The following GP6 variants were observed in gnomAD, a reference collection of about 807,000 sequenced individuals.
GP6 encodes the protein platelet glycoprotein VI.
Under a neutral mutation model 37.3 loss-of-function variants are expected in GP6, and 45 were observed. That is an observed-to-expected ratio of 1.21 (90% CI 0.95 to 1.55). The LOEUF (loss-of-function observed/expected upper bound fraction) is 1.55, where lower values mean the gene tolerates loss of function less well. Ranked by LOEUF, GP6 falls within the 40% of genes most tolerant of loss-of-function variation. GP6 has a pLI of 0.00. For synonymous variants in GP6, 340 were observed against 316.4 expected (o/e 1.07, Z -0.79); for missense variants, 813 against 760.2 (o/e 1.07, Z -0.82).
intron 1 of GP6, among the ~76,000 whole-genome samples, chr19:55,033,661 C>A (rs1005294226): frequency 6.6e-6 from 1 of 152,072 alleles, no homozygotes; most frequent in Non-Finnish European, 1.5e-5. Flanking sequence ...AAATAATATC[C>A]AAGTACATTA....
At chr19:55,037,002 G>C (rs563356156) in intron 1 of GP6, among the ~76,000 whole-genome samples, 1 of 152,086 alleles carries the variant, frequency 6.6e-6, no homozygotes, top group Non-Finnish European at 1.5e-5. Context: ...CCGACTGAGC[G>C]AGACTCCATC....
intron 5 of GP6, among the ~76,000 whole-genome samples, chr19:55,024,326 A>ACGCACG (rs1491374194): frequency 1.0e-3 from 19 of 18,754 alleles, no homozygotes; most frequent in South Asian, 3.1e-3. Context: ...GCACACACAC[A>ACGCACG]TATGCACGCA....
intron 5 of GP6, among the ~76,000 whole-genome samples, chr19:55,020,983 C>T (rs1428744620): frequency 1.4e-5 from 2 of 145,302 alleles, no homozygotes; most frequent in African/African-American, 5.1e-5. Context: ...ACCCTGGAGG[C>T]AGAGGCTGCA....
chr19:55,034,967 C>A (rs1357576637), intron 1 of GP6, among the ~76,000 whole-genome samples: 1 of 152,152 alleles, frequency 6.6e-6, no homozygotes, highest in African/African-American at 2.4e-5. Flanking sequence ...CTTCTCTGTC[C>A]CCCTCCTCCT....
intron 6 of GP6, among the ~76,000 whole-genome samples, chr19:55,016,620 C>T (rs1325854104): frequency 3.9e-5 from 6 of 151,974 alleles, no homozygotes; most frequent in Admixed American, 1.3e-4. Context: ...GTGATCCGCC[C>T]GCCTAGGCCT....
intron 3 of GP6, among the ~76,000 whole-genome samples, chr19:55,029,120 G>GAGGAAGGA (rs1555801977): frequency 1.4e-5 from 2 of 145,266 alleles, no homozygotes; most frequent in Middle Eastern, 3.4e-3. Flanking sequence ...GGGAGGGAGG[G>GAGGAAGGA]AGGAAGGAAG....
chr19:55,018,414 C>G (rs547965896), intron 6 of GP6, among the ~76,000 whole-genome samples: 1 of 152,250 alleles, frequency 6.6e-6, no homozygotes, highest in African/African-American at 2.4e-5. Context: ...GGATGGCGGT[C>G]GTCCCGCCAC....
In GP6 at chr19:55,015,709, C is replaced by T; in HGVS notation, c.749G>A (p.Ser250Asn). ...AGCTGGAGAGTCTGACTCCTTTGGA[C>T]TGGCGGTGATACTCCTAGAAGTCTC... The change falls in exon 7 of 8, where the codon AGT becomes AAT. Residue 250 changes from serine to asparagine, a missense_variant. Transcript: ENST00000310373. 6.3e-7 allele frequency: 1 copy of T among 1,583,878 alleles called. No individual in the cohort carries two copies. Among genetic ancestry groups the T allele is most frequent in the East Asian group, 2.2e-5 (1 of 44,722 alleles).
chr19:55,018,250 C>T (rs1020104576), intron 6 of GP6, among the ~76,000 whole-genome samples: 1 of 152,146 alleles, frequency 6.6e-6, no homozygotes, highest in African/African-American at 2.4e-5. Context: ...TCTGCAGAGG[C>T]CTGGAGCGGT....
Position 55,014,416 on chromosome 19 carries a change from C to T in GP6, c.1529G>A (p.Gly510Asp), listed in dbSNP as rs780015649. 3 of 1,613,548 alleles carry T rather than the reference C, an allele frequency of 1.9e-6. No homozygotes were observed. In the African/African-American group the frequency reaches 4.0e-5, roughly 22 times the overall value. ...TGACATACCCAAACTGCCTGCAAGA[C>T]CCGTTCTGAGAGACGAAAGGAGATT... Residue 510 changes from glycine to aspartate, a missense_variant, in exon 8 of 8, where the codon GGT becomes GAT. Physicochemically the swap from Gly to Asp is moderately conservative, Grantham distance 94. Transcript: ENST00000310373.
At chr19:55,021,050 TAAAAAA>T (rs60477411) in intron 5 of GP6, among the ~76,000 whole-genome samples, 3 of 107,714 alleles carry the variant, frequency 2.8e-5, no homozygotes, top group Admixed American at 1.0e-4. Context: ...AGACTCTGTT[TAAAAAA>T]AAAAAAAAAA....
chr19:55,018,966 G>A, intron 5 of GP6: 1 of 585,576 alleles, frequency 1.7e-6, no homozygotes, highest in Non-Finnish European at 3.0e-6. Context: ...TTGCTGCTGT[G>A]AACATTGACG....
intron 3 of GP6, among the ~76,000 whole-genome samples, chr19:55,029,579 A>G (rs1346707686): frequency 1.3e-4 from 20 of 150,632 alleles, no homozygotes; most frequent in Non-Finnish European, 2.5e-4. Context: ...TAGTAGAGAC[A>G]GGGTTTCACC....
At position 55,034,519 on chromosome 19, in the gene GP6, A is replaced by G. The variant is rs145182812; in HGVS notation, c.35-1981T>C. ...TGCAGTGAGCCAAGATCACGCCACT[A>G]CACTCCAGCCTGGGCAACAGAGCAA... On this transcript the variant is annotated intron_variant, in intron 1 of 7. Coordinates refer to ENST00000310373, the MANE Select transcript of GP6 (RefSeq NM_001083899.2). Among the ~76,000 whole-genome samples the G allele has an allele frequency of 3.5e-3, 531 of 151,544 alleles. 6 individuals are homozygous for G. In the East Asian group the frequency reaches 0.038, roughly 11 times the overall value.
intron 5 of GP6, among the ~76,000 whole-genome samples, chr19:55,024,289 T>TGCATGCACACACACAC: frequency 9.8e-6 from 1 of 101,912 alleles, no homozygotes; most frequent in African/African-American, 3.5e-5. Flanking sequence ...CACACACACA[T>TGCATGCACACACACAC]ATGCACGCAT....
chr19:55,015,250 C>G (rs978813622), intron 7 of GP6, 85 bp from the exon 8 acceptor site: 1 of 1,546,806 alleles, frequency 6.5e-7, no homozygotes, highest in African/African-American at 1.4e-5. Flanking sequence ...TCTCAGAGAT[C>G]CTATTATTCT....
chr19:55,024,225 AGAG>A (rs1266536189), intron 5 of GP6, among the ~76,000 whole-genome samples: 1 of 119,090 alleles, frequency 8.4e-6, no homozygotes, highest in Non-Finnish European at 1.8e-5. Flanking sequence ...CCATTTCAAA[AGAG>A]AAAGTTCAAA....
At chr19:55,019,678 C>CTTTT (rs770367312) in intron 5 of GP6, among the ~76,000 whole-genome samples, 10 of 126,752 alleles carry the variant, frequency 7.9e-5, no homozygotes, top group African/African-American at 9.0e-5. Context: ...TTCTTTTTTT[C>CTTTT]TTTTTTTTTT....
chr19:55,015,080 C>G lies in GP6; in HGVS notation c.865G>C (p.Gly289Arg), dbSNP rs766612048. 1.2e-6 allele frequency: 2 copies of G among 1,601,892 alleles called. No homozygotes were observed. Among genetic ancestry groups the G allele is most frequent in the Non-Finnish European group, 1.7e-6 (2 of 1,174,692 alleles). ...TCCTCCGGCTGTGCCAGTCCTCTGCCAGAAACCCCGCCAGGATTATTAGGA... is the reference window on the plus strand; with the variant it reads ...TCCTCCGGCTGTGCCAGTCCTCTGCGAGAAACCCCGCCAGGATTATTAGGA... The change falls in exon 8 of 8, where the codon GGC becomes CGC. Residue 289 changes from glycine (G) to arginine (R), a missense_variant. Physicochemically the swap from Gly to Arg is moderately radical, Grantham distance 125. Transcript: ENST00000310373.
Sources: allele counts gnomAD v4.1 joint callset (sites outside exome capture counted in the v4.1 genomes callset), GRCh38; gene constraint gnomAD v4.1.1; transcripts MANE v1.5; gene names NCBI Gene and HGNC (gene_info 2026-07-23, HGNC 2026-07-21).